The following MRPL3 variants were observed in gnomAD, a reference collection of about 807,000 sequenced individuals.
The protein encoded by MRPL3 is mitochondrial ribosomal protein L3.
MRPL3 carries 43 observed loss-of-function variants against 44.3 expected under a neutral mutation model. The observed-to-expected ratio is 0.97, with a 90% CI of 0.76 to 1.25. The LOEUF (loss-of-function observed/expected upper bound fraction) is 1.25. Ranked by LOEUF, MRPL3 falls within the 50% of genes most tolerant of loss-of-function variation. The probability of loss-of-function intolerance (pLI) is 0.00; values close to 1 mark genes in which losing one functional copy is unlikely to be tolerated. For synonymous variants in MRPL3, 171 were observed against 152.3 expected (o/e 1.12, Z -0.91); for missense variants, 406 against 427.6 (o/e 0.95, Z 0.45).
At chr3:131,490,575 C>G (rs1033626881) in intron 4 of MRPL3, among the ~76,000 whole-genome samples, 1 of 152,194 alleles carries the variant, frequency 6.6e-6, no homozygotes, top group African/African-American at 2.4e-5. Context: ...CATTTTCACA[C>G]TCTATAAGAA....
intron 6 of MRPL3, among the ~76,000 whole-genome samples, chr3:131,486,406 C>CATCAGA (rs1934123471): frequency 7.1e-6 from 1 of 141,412 alleles, no homozygotes. Context: ...AAAAAACTAC[C>CATCAGA]ATCAGAATGA....
In MRPL3 at chr3:131,468,178, G is replaced by T. The variant is rs760309107; in HGVS notation, c.817-10C>A. 4.5e-6 allele frequency: 7 copies of T among 1,541,850 alleles called. No homozygotes were observed. In the East Asian group the frequency reaches 9.3e-5, roughly 20 times the overall value. ...TGTTTATTCTCCACACCTAAAGCAT[G>T]AAATAAAACCAAAAATTTTAGGATA... On this transcript the variant is annotated splice_polypyrimidine_tract_variant and intron_variant, in intron 8 of 9. Coordinates refer to ENST00000264995, the MANE Select transcript of MRPL3 (RefSeq NM_007208.4).
At chr3:131,468,001 A>G in intron 9 of MRPL3, 90 bp downstream of exon 9, 4 of 692,890 alleles carry the variant, frequency 5.8e-6, no homozygotes, top group Non-Finnish European at 9.2e-6. Flanking sequence ...CCACATATAT[A>G]AACAATAGAA....
At chr3:131,481,707 C>G (rs1251470901) in intron 6 of MRPL3, among the ~76,000 whole-genome samples, 1 of 152,184 alleles carries the variant, frequency 6.6e-6, no homozygotes, top group African/African-American at 2.4e-5. Context: ...ACACTGCTCT[C>G]CAATCATTCA....
chr3:131,466,781 TA>T (rs1559811377), intron 9 of MRPL3, among the ~76,000 whole-genome samples: 1 of 152,098 alleles, frequency 6.6e-6, no homozygotes, highest in Non-Finnish European at 1.5e-5. Context: ...ATACATTGTA[TA>T]ATGATAAAAT....
intron 6 of MRPL3, among the ~76,000 whole-genome samples, chr3:131,471,631 T>C (rs897359227): frequency 5.3e-5 from 8 of 152,180 alleles, no homozygotes; most frequent in Admixed American, 2.0e-4. Flanking sequence ...AAAGTACTTA[T>C]AGCAGATATG....
chr3:131,474,490 A>G (rs981874723), intron 6 of MRPL3, among the ~76,000 whole-genome samples: 19 of 152,160 alleles, frequency 1.2e-4, no homozygotes, highest in Non-Finnish European at 2.4e-4. Flanking sequence ...TAGGGTATCT[A>G]TGGTTAACAG....
chr3:131,500,406 T>C, intron 3 of MRPL3, 24 bp downstream of exon 3: 1 of 1,571,990 alleles, frequency 6.4e-7, no homozygotes, highest in Non-Finnish European at 8.8e-7. Context: ...TAGATATCTC[T>C]TACGTCTTCT....
chr3:131,493,024 C>T (rs1461408198), intron 4 of MRPL3, among the ~76,000 whole-genome samples: 1 of 152,196 alleles, frequency 6.6e-6, no homozygotes, highest in Non-Finnish European at 1.5e-5. Context: ...GTGCCTCTTT[C>T]ATCACAATAT....
rs1207942033 is a variant in MRPL3, at chr3:131,502,849, G to A, written c.-28C>T. 3 of 1,601,904 alleles carry A rather than the reference G, an allele frequency of 1.9e-6. No individual in the cohort carries two copies. Among genetic ancestry groups the A allele is most frequent in the African/African-American group, 1.3e-5 (1 of 74,654 alleles). On this transcript the variant is annotated 5_prime_UTR_variant, in exon 1 of 10. Transcript: ENST00000264995. ...ATTAGCCCGGGAAGACTCGACTCAC[G>A]ACTTCCGGGCGCCCTGCCGCTCTGC...
chr3:131,502,649 C>T, intron 1 of MRPL3, 81 bp downstream of exon 1: 1 of 1,207,874 alleles, frequency 8.3e-7, no homozygotes, highest in South Asian at 1.5e-5. Flanking sequence ...CTCCTCCACC[C>T]AGGGGAGGCC....
intron 8 of MRPL3, 63 bp from the exon 9 acceptor site, chr3:131,468,231 A>T (rs1263943968): frequency 1.1e-6 from 1 of 915,366 alleles, no homozygotes; most frequent in Non-Finnish European, 1.7e-6. Context: ...TGTTACTAAA[A>T]GCTGAGGATG....
Position 131,479,231 on chromosome 3 carries a change from C to A in MRPL3, c.630-7952G>T, listed in dbSNP as rs781464643. 9.8e-6 allele frequency: 5 copies of A among 512,156 alleles called. No homozygotes were observed. In the East Asian group the frequency reaches 2.7e-4, roughly 28 times the overall value. 31.7% of individuals were successfully genotyped at this position (512,156 alleles called of 1,614,324 possible). Reference sequence around the variant, plus strand: ...CAGTCAGGCAAGGTCTACGAGTATGCCCTCCAAATTAAGTTTTCACTTTCT... The same window carrying A: ...CAGTCAGGCAAGGTCTACGAGTATGACCTCCAAATTAAGTTTTCACTTTCT... On this transcript the variant is annotated intron_variant, in intron 6 of 9. Coordinates refer to ENST00000264995, the MANE Select transcript of MRPL3 (RefSeq NM_007208.4).
rs977743963 is a variant in MRPL3, at chr3:131,500,360, C to A, written c.369+70G>T. Reference sequence around the variant, plus strand: ...TCCATGTTTCAGGACACAAATAGTTCTTGTTAAGGTTTGCACAAACAGATC... The same window carrying A: ...TCCATGTTTCAGGACACAAATAGTTATTGTTAAGGTTTGCACAAACAGATC... On this transcript the variant is annotated intron_variant, in intron 3 of 9. Transcript: ENST00000264995. 2.4e-6 allele frequency: 3 copies of A among 1,243,538 alleles called. No homozygotes were observed. In the Admixed American group the frequency reaches 5.1e-5, roughly 21 times the overall value. The allele number at this position is 1,243,538 out of a possible 1,614,324, so 77.0% of individuals were successfully genotyped here.
At chr3:131,472,994 G>T (rs992187087) in intron 6 of MRPL3, among the ~76,000 whole-genome samples, 7 of 152,030 alleles carry the variant, frequency 4.6e-5, no homozygotes, top group Admixed American at 1.3e-4. Flanking sequence ...ATACAAAGTG[G>T]TCTACAGATT....
intron 4 of MRPL3, among the ~76,000 whole-genome samples, chr3:131,494,487 G>A (rs1352795672): frequency 1.3e-5 from 2 of 152,042 alleles, no homozygotes; most frequent in Admixed American, 6.6e-5. Flanking sequence ...CCTATTCCAC[G>A]TGATTTTCAA....
In MRPL3 at chr3:131,482,991, T is replaced by C. The variant is rs947131776; in HGVS notation, c.629+4689A>G. Reference sequence around the variant, plus strand: ...TTGTTCTTTGTTTCATTCTTCTTTTTTTTTTTTTTTTTACAAGTTATAATA... The same window carrying C: ...TTGTTCTTTGTTTCATTCTTCTTTTCTTTTTTTTTTTTACAAGTTATAATA... On this transcript the variant is annotated intron_variant, in intron 6 of 9. Transcript: ENST00000264995. Among the ~76,000 whole-genome samples, 37 of 147,688 alleles carry C rather than the reference T, an allele frequency of 2.5e-4. No homozygotes were observed. The East Asian group carries it at 6.4e-3, about 25-fold the overall frequency.
chr3:131,478,952 TA>T (rs1933915980), intron 6 of MRPL3: 5 of 336,912 alleles, frequency 1.5e-5, no homozygotes, highest in South Asian at 1.2e-4. Flanking sequence ...TCTAGCCTCC[TA>T]AAGTGCTGGG....
chr3:131,484,546 T>C (rs1006307249), intron 6 of MRPL3, among the ~76,000 whole-genome samples: 3 of 151,578 alleles, frequency 2.0e-5, no homozygotes, highest in Non-Finnish European at 4.4e-5. Flanking sequence ...AGTTCCAAAA[T>C]GCATTAAGGA....
Sources: allele counts gnomAD v4.1 joint callset (sites outside exome capture counted in the v4.1 genomes callset), GRCh38; gene constraint gnomAD v4.1.1; transcripts MANE v1.5; gene names NCBI Gene and HGNC (gene_info 2026-07-23, HGNC 2026-07-21).